The following MCM9 variants were observed in gnomAD, a reference collection of about 807,000 sequenced individuals.
MCM9 encodes DNA helicase MCM9.
Under a neutral mutation model 72.8 loss-of-function variants are expected in MCM9, and 55 were observed. That is an observed-to-expected ratio of 0.76 (90% CI 0.61 to 0.95). The LOEUF (loss-of-function observed/expected upper bound fraction) is 0.95, where lower values mean the gene tolerates loss of function less well. MCM9 is among the 40% of genes least tolerant of loss of function. The pLI, the probability that MCM9 is intolerant of heterozygous loss-of-function variation, is 0.00. For missense variants in MCM9, 1,279 were observed against 1,377.0 expected (o/e 0.93, Z 1.13); for synonymous variants, 480 against 503.4 (o/e 0.95, Z 0.62).
chr6:118,867,879 C>CTTTTTTTTTTTTTTTTTTT lies in MCM9; in HGVS notation c.1151-11335_1151-11334insAAAAAAAAAAAAAAAAAAA, dbSNP rs1554258631. 2.9e-5 allele frequency among the ~76,000 whole-genome samples: 4 copies of CTTTTTTTTTTTTTTTTTTT among 137,486 alleles called. 1 individual carries two copies. Among genetic ancestry groups the CTTTTTTTTTTTTTTTTTTT allele is most frequent in the African/African-American group, 5.3e-5 (2 of 38,062 alleles). The allele number at this position is 137,486 out of a possible 152,430, so 90.2% of individuals were successfully genotyped here. A position where few individuals can be genotyped will look rare whatever the true frequency, so the allele number is the denominator to read the frequency against. ...TTAATTATATTTCTTTTTTCTTTTT[C>CTTTTTTTTTTTTTTTTTTT]TTTTTCTTTTTTTTTGAGATGAAGT... On this transcript the variant is annotated intron_variant, in intron 8 of 13. Transcript: ENST00000619706.
chr6:118,816,722 TTAG>T (rs1412829367), intron 13 of MCM9, among the ~76,000 whole-genome samples: 1 of 152,348 alleles, frequency 6.6e-6, no homozygotes, highest in East Asian at 1.9e-4. Flanking sequence ...GCTAACTTGC[TTAG>T]TAGTCAGTTT....
At position 118,836,497 on chromosome 6, in the gene MCM9, C is replaced by T. The variant is rs138121720; in HGVS notation, c.1326-7247G>A. On this transcript the variant is annotated intron_variant, in intron 9 of 13. Transcript: ENST00000619706. ...TACTGGGCTTTTTTGGGTTGGTAGG[C>T]TATTAATTACTGCCTCAATTTCAAA... Among the ~76,000 whole-genome samples, 1,170 of 152,230 alleles carry T rather than the reference C, an allele frequency of 7.7e-3. 45 individuals carry two copies. Among genetic ancestry groups the T allele is most frequent in the Admixed American group, 0.069 (1,050 of 15,280 alleles).
At chr6:118,922,859 C>G (rs532052800) in intron 4 of MCM9, among the ~76,000 whole-genome samples, 1 of 151,848 alleles carries the variant, frequency 6.6e-6, no homozygotes, top group African/African-American at 2.4e-5. Context: ...ATCGTGAAAC[C>G]CTGTCTCTAC....
At chr6:118,857,199 C>T (rs377106470) in intron 8 of MCM9, among the ~76,000 whole-genome samples, 3 of 152,118 alleles carry the variant, frequency 2.0e-5, no homozygotes, top group Non-Finnish European at 2.9e-5. Flanking sequence ...GTGTACTATA[C>T]GCTGTTTACA....
At chr6:118,924,431 A>C (rs994584437) in intron 3 of MCM9, among the ~76,000 whole-genome samples, 1 of 152,202 alleles carries the variant, frequency 6.6e-6, no homozygotes, top group African/African-American at 2.4e-5. Context: ...TTCTCACAAG[A>C]GGGCTATCTC....
chr6:118,910,802 C>A, intron 8 of MCM9: 1 of 985,300 alleles, frequency 1.0e-6, no homozygotes, highest in Non-Finnish European at 1.2e-6. Context: ...AACCTGAGAC[C>A]TCCTTAACAG....
At position 118,814,592 on chromosome 6, in the gene MCM9, C is replaced by A. The variant is rs1351770949; in HGVS notation, c.*232G>T. On this transcript the variant is annotated 3_prime_UTR_variant, in exon 14 of 14. Coordinates refer to ENST00000619706, the MANE Select transcript of MCM9 (RefSeq NM_017696.3). ...AGTACTCCATTTGTAAAATTAAGCA[C>A]AACATAATTAATTCAGCTCAGCTGC... The A allele has an allele frequency of 2.7e-6, 1 of 372,834 alleles. No individual in the cohort carries two copies. Among genetic ancestry groups the A allele is most frequent in the Non-Finnish European group, 4.8e-6 (1 of 210,304 alleles). The allele number at this position is 372,834 out of a possible 1,614,324, so 23.1% of individuals were successfully genotyped here. A position where few individuals can be genotyped will look rare whatever the true frequency, so the allele number is the denominator to read the frequency against.
intron 8 of MCM9, among the ~76,000 whole-genome samples, chr6:118,887,382 A>C (rs1466486407): frequency 1.3e-5 from 2 of 152,232 alleles, no homozygotes; most frequent in Non-Finnish European, 2.9e-5. Flanking sequence ...TCATTAGGAA[A>C]ATAGTCTTTT....
At chr6:118,886,675 C>CCAGG (rs1322717090) in intron 8 of MCM9, among the ~76,000 whole-genome samples, 3 of 152,132 alleles carry the variant, frequency 2.0e-5, no homozygotes, top group Non-Finnish European at 4.4e-5. Flanking sequence ...AAACAACAGG[C>CCAGG]CAGGTGTAGT....
chr6:118,904,742 A>G (rs1008114342), intron 8 of MCM9, among the ~76,000 whole-genome samples: 16 of 152,262 alleles, frequency 1.1e-4, no homozygotes, highest in African/African-American at 3.9e-4. Flanking sequence ...TAAAGAGCAT[A>G]CTATATTGTA....
chr6:118,892,657 ATGT>A (rs1335884531), intron 8 of MCM9, among the ~76,000 whole-genome samples: 1 of 152,214 alleles, frequency 6.6e-6, no homozygotes, highest in East Asian at 1.9e-4. Flanking sequence ...AATGAAGAGT[ATGT>A]TGTTTATCAG....
At chr6:118,825,714 A>G (rs976567362) in intron 13 of MCM9, among the ~76,000 whole-genome samples, 1 of 152,232 alleles carries the variant, frequency 6.6e-6, no homozygotes, top group Non-Finnish European at 1.5e-5. Context: ...TAGAGTCCAC[A>G]TTCACACTAA....
intron 13 of MCM9, 141 bp from the exon 14 acceptor site, chr6:118,816,435 T>A: frequency 1.7e-6 from 1 of 596,748 alleles, no homozygotes; most frequent in Non-Finnish European, 2.6e-6. Flanking sequence ...TACAACCTCC[T>A]AGAGCAGCAG....
intron 8 of MCM9, among the ~76,000 whole-genome samples, chr6:118,856,878 C>G (rs145544963): frequency 1.6e-4 from 25 of 151,558 alleles, no homozygotes; most frequent in African/African-American, 6.1e-4. Flanking sequence ...AAGATCTTGT[C>G]TTAAAAAAAC....
intron 7 of MCM9, chr6:118,913,077 A>T (rs187032199): frequency 4.3e-5 from 23 of 530,770 alleles, no homozygotes; most frequent in African/African-American, 3.8e-4. Flanking sequence ...AGTATATGCC[A>T]TAGAAAAATG....
At chr6:118,903,938 A>G (rs187218411) in intron 8 of MCM9, among the ~76,000 whole-genome samples, 3 of 152,326 alleles carry the variant, frequency 2.0e-5, no homozygotes, top group East Asian at 3.9e-4. Flanking sequence ...TCATATCTCT[A>G]GAACAATGGT....
chr6:118,838,195 C>T (rs1243339779), intron 9 of MCM9, among the ~76,000 whole-genome samples: 2 of 150,712 alleles, frequency 1.3e-5, no homozygotes, highest in Non-Finnish European at 3.0e-5. Flanking sequence ...GAGTCTCACC[C>T]TGTCACCCAG....
In MCM9 at chr6:118,913,413, A is replaced by G. The variant is rs757698613; in HGVS notation, c.912T>C (p.Asn304=). 6.2e-7 allele frequency: 1 copy of G among 1,612,514 alleles called. No individual in the cohort carries two copies. The highest frequency in any genetic ancestry group is 8.5e-7 in the Non-Finnish European group (1 of 1,179,580). Residue 304 remains asparagine, a synonymous_variant, in exon 7 of 14, where the codon AAT becomes AAC. Coordinates refer to ENST00000619706, the MANE Select transcript of MCM9 (RefSeq NM_017696.3). ...YYKSDPFAGR[N]VILASLCPQV... is the part of the protein sequence containing the mutation. The stretch of plus-strand genomic sequence containing the variant: ...GAGGGCACAAGCTAGCCAATATTAC[A>G]TTCCTTCCTAGGAAAAGCAGAAAGA...
intron 8 of MCM9, chr6:118,894,309 G>C: frequency 6.7e-7 from 1 of 1,500,698 alleles, no homozygotes; most frequent in Admixed American, 2.2e-5. Flanking sequence ...CACGACGTCT[G>C]GCCGGCGCTG....
Sources: allele counts gnomAD v4.1 joint callset (sites outside exome capture counted in the v4.1 genomes callset), GRCh38; gene constraint gnomAD v4.1.1; transcripts MANE v1.5; gene names NCBI Gene and HGNC (gene_info 2026-07-23, HGNC 2026-07-21).